Variants in RAB8B observed in about 807,000 individuals in gnomAD.
RAB8B encodes the protein RAB8B, member RAS oncogene family.
A neutral mutation model predicts 32.0 loss-of-function variants in RAB8B; 11 were observed. The observed-to-expected ratio is 0.34, with a 90% CI of 0.22 to 0.57. RAB8B has a LOEUF of 0.57. Among genes scored for constraint, RAB8B ranks in the 20% least tolerant of loss-of-function variants. RAB8B has a pLI of 0.86. For synonymous variants in RAB8B, 103 were observed against 89.6 expected (o/e 1.15, Z -0.85); for missense variants, 190 against 258.5 (o/e 0.73, Z 1.82).
chr15:63,231,103 A>G (rs1297951127), intron 1 of RAB8B, among the ~76,000 whole-genome samples: 1 of 152,234 alleles, frequency 6.6e-6, no homozygotes, highest in African/African-American at 2.4e-5. Context: ...ATTTTCCTGG[A>G]AAGTAAAAAT....
At chr15:63,190,616 T>A (rs2037547984) in intron 1 of RAB8B, among the ~76,000 whole-genome samples, 1 of 152,192 alleles carries the variant, frequency 6.6e-6, no homozygotes, top group Non-Finnish European at 1.5e-5. Context: ...ATGTGACTAA[T>A]GATGGAATAA....
In RAB8B at chr15:63,255,033, C is replaced by T. The variant is rs1306429450; in HGVS notation, c.247-474C>T. The stretch of plus-strand genomic sequence containing the variant: ...GATGTACTTAGATAAATAGTGACAA[C>T]CTATTTTTTGATCAACCTACATAAA... On this transcript the variant is annotated intron_variant, in intron 3 of 7. Coordinates refer to ENST00000321437, the MANE Select transcript of RAB8B (RefSeq NM_016530.3). Among the ~76,000 whole-genome samples, 10 of 152,142 alleles carry T rather than the reference C, an allele frequency of 6.6e-5. No homozygotes were observed. In the South Asian group the frequency reaches 1.7e-3, roughly 25 times the overall value.
At chr15:63,230,097 T>TGG (rs1192470128) in intron 1 of RAB8B, among the ~76,000 whole-genome samples, 1 of 152,180 alleles carries the variant, frequency 6.6e-6, no homozygotes, top group Non-Finnish European at 1.5e-5. Context: ...ATTACTCTGT[T>TGG]GGTTGTAACT....
At chr15:63,228,641 C>A (rs1248289170) in intron 1 of RAB8B, among the ~76,000 whole-genome samples, 1 of 152,202 alleles carries the variant, frequency 6.6e-6, no homozygotes, top group Non-Finnish European at 1.5e-5. Flanking sequence ...TTTGTCTGGG[C>A]TCTTTGGTGG....
chr15:63,259,362 G>A lies in RAB8B; in HGVS notation c.415-265G>A, dbSNP rs542716509. ...TCTCGATCTCCTGACCTCGTGATCC[G>A]TCTGCCTCGGCCTCCCAAAGTGCGT... On this transcript the variant is annotated intron_variant, in intron 5 of 7. Transcript: ENST00000321437. This position sits in a 1 kb window ranked among gnomAD's most constrained non-coding sequence, Gnocchi z 4.4. Among the ~76,000 whole-genome samples, 18 of 152,130 alleles carry A rather than the reference G, an allele frequency of 1.2e-4. No homozygotes were observed. Among genetic ancestry groups the A allele is most frequent in the African/African-American group, 3.6e-4 (15 of 41,530 alleles).
chr15:63,257,177 A>G (rs2038164597), intron 5 of RAB8B, among the ~76,000 whole-genome samples: 2 of 152,144 alleles, frequency 1.3e-5, no homozygotes, highest in African/African-American at 2.4e-5. Context: ...CAGATTCTAA[A>G]TTGACTTAGA....
Sources: allele counts gnomAD v4.1 joint callset (sites outside exome capture counted in the v4.1 genomes callset), GRCh38; gene constraint gnomAD v4.1.1; non-coding constraint Gnocchi (gnomAD v3.1); transcripts MANE v1.5; gene names NCBI Gene and HGNC (gene_info 2026-07-23, HGNC 2026-07-21).